Variants in PLCE1 observed in about 807,000 individuals in gnomAD.
PLCE1 encodes the protein phospholipase C epsilon 1.
In PLCE1, 119 loss-of-function variants were observed where a neutral mutation model predicts 242.8. The ratio of observed to expected loss-of-function variants is 0.49; its 90% CI spans 0.42 to 0.57. PLCE1 has a LOEUF of 0.57. Among genes scored for constraint, PLCE1 ranks in the 20% least tolerant of loss-of-function variants. PLCE1 has a pLI of 0.00. For synonymous variants in PLCE1, 945 were observed against 1,017.4 expected, an observed-to-expected ratio of 0.93 and a Z score of 1.35; for missense variants, 2,441 against 2,788.8, an observed-to-expected ratio of 0.88 and a Z score of 2.81.
intron 9 of PLCE1, among the ~76,000 whole-genome samples, 157 bp from the exon 10 acceptor site, chr10:94,254,033 A>G (rs2050975744): frequency 6.6e-6 from 1 of 152,196 alleles, no homozygotes; most frequent in African/African-American, 2.4e-5. Context: ...ATATGACATG[A>G]GAATACTCGG....
intron 27 of PLCE1, 87 bp from the exon 28 acceptor site, chr10:94,313,167 C>G: frequency 2.0e-6 from 3 of 1,502,164 alleles, no homozygotes; most frequent in Non-Finnish European, 2.8e-6. Context: ...CCTATCCGTA[C>G]TTCTAAGTAC....
In PLCE1 at chr10:94,254,935, G is replaced by A. The variant is rs1304457385; in HGVS notation, c.3440G>A (p.Arg1147Lys). 1.2e-6 allele frequency: 2 copies of A among 1,614,000 alleles called. No individual in the cohort carries two copies. Among genetic ancestry groups the A allele is most frequent in the South Asian group, 1.1e-5 (1 of 91,074 alleles). Reference sequence around the variant, plus strand: ...AACCCTCCAAACCCCCTCCCTTCCAGAAGAGCCCACTCTTTGACCACAGCT... The same window carrying A: ...AACCCTCCAAACCCCCTCCCTTCCAAAAGAGCCCACTCTTTGACCACAGCT... ...IANPPNPLPSRRAHSLTTAGS... is the reference protein window; with the variant it reads ...IANPPNPLPSKRAHSLTTAGS... Residue 1147 changes from arginine to lysine, a missense_variant, in exon 11 of 33, where the codon AGA (arginine) becomes AAA (lysine). Transcript: ENST00000371380.
At chr10:94,266,509 C>T (rs2051522338) in intron 16 of PLCE1, among the ~76,000 whole-genome samples, 1 of 152,180 alleles carries the variant, frequency 6.6e-6, no homozygotes, top group African/African-American at 2.4e-5. Context: ...CTTTGAAACT[C>T]AGTAGGTTCT....
intron 2 of PLCE1, among the ~76,000 whole-genome samples, chr10:94,066,972 G>T (rs2044213291): frequency 6.6e-6 from 1 of 152,108 alleles, no homozygotes. Context: ...TATTTCCAGG[G>T]GGAATTGAGG....
intron 1 of PLCE1, among the ~76,000 whole-genome samples, chr10:93,997,781 T>C (rs2060856506): frequency 6.6e-6 from 1 of 152,164 alleles, no homozygotes; most frequent in African/African-American, 2.4e-5. Flanking sequence ...GTAATAGACG[T>C]GCTTAGCAAT....
At chr10:94,061,211 T>A (rs1472278433) in intron 2 of PLCE1, among the ~76,000 whole-genome samples, 2 of 152,164 alleles carry the variant, frequency 1.3e-5, no homozygotes, top group East Asian at 3.9e-4. Flanking sequence ...AACTTCCTTC[T>A]CACTTAGACA....
intron 4 of PLCE1, among the ~76,000 whole-genome samples, chr10:94,175,338 A>C (rs553979003): frequency 6.6e-6 from 1 of 151,890 alleles, no homozygotes; most frequent in Non-Finnish European, 1.5e-5. Context: ...ATTTTTATCC[A>C]GTTTCCCATT....
chr10:94,067,303 TTTGG>T (rs2044226227), intron 2 of PLCE1, among the ~76,000 whole-genome samples: 1 of 152,098 alleles, frequency 6.6e-6, no homozygotes, highest in African/African-American at 2.4e-5. Context: ...AATCAGAGTT[TTTGG>T]AGGTGGGCCC....
At chr10:94,226,572 A>T (rs556744165) in intron 4 of PLCE1, among the ~76,000 whole-genome samples, 41 of 152,256 alleles carry the variant, frequency 2.7e-4, no homozygotes, top group Non-Finnish European at 4.9e-4. Context: ...TTTGTAAAAG[A>T]TTGTTTAAAA....
rs1312653010 is a variant in PLCE1 at position 94,132,322 on chromosome 10, A to C, written c.1355A>C (p.Glu452Ala). 6.2e-7 allele frequency: 1 copy of C among 1,613,998 alleles called. No homozygotes were observed. The highest frequency in any genetic ancestry group is 8.5e-7 in the Non-Finnish European group (1 of 1,179,992). ...LKQCVRDTVC[E>A]YRATLQRTSI... ...CAATGTGTCCGAGACACTGTATGTG[A>C]GTATCGCGCCACCCTCCAAAGGACT... The change falls in exon 3 of 33, where the codon GAG becomes GCG. Residue 452 changes from glutamate to alanine, a missense_variant. Physicochemically the swap from Glu to Ala is moderately radical, Grantham distance 107. Transcript: ENST00000371380.
At chr10:94,233,047 A>G (rs1013859791) in intron 5 of PLCE1, among the ~76,000 whole-genome samples, 1 of 152,190 alleles carries the variant, frequency 6.6e-6, no homozygotes, top group African/African-American at 2.4e-5. Flanking sequence ...TTCCCAAGCT[A>G]TCTGCTCAGA....
intron 11 of PLCE1, among the ~76,000 whole-genome samples, chr10:94,256,562 A>G (rs1042477352): frequency 1.6e-4 from 25 of 152,264 alleles, no homozygotes; most frequent in African/African-American, 5.8e-4. Flanking sequence ...TCATAACAAA[A>G]CTAAAAGTTA....
rs1225770008 is a variant in PLCE1 at position 94,298,101 on chromosome 10, T to G, written c.5168-278T>G. Among the ~76,000 whole-genome samples, 1 of 152,096 alleles carries G rather than the reference T, an allele frequency of 6.6e-6. No homozygotes were observed. Among genetic ancestry groups the G allele is most frequent in the African/African-American group, 2.4e-5 (1 of 41,424 alleles). Reference sequence around the variant, plus strand: ...GCTCTCACCATGTTGCCCAGGCTGGTCTTGAACTTCTGGGCTCAAGCAATC... The same window carrying G: ...GCTCTCACCATGTTGCCCAGGCTGGGCTTGAACTTCTGGGCTCAAGCAATC... On this transcript the variant is annotated intron_variant, in intron 23 of 32. Coordinates refer to ENST00000371380, the MANE Select transcript of PLCE1 (RefSeq NM_016341.4). The surrounding 1 kb of genome is among the most constrained non-coding windows in gnomAD (Gnocchi z 5.2).
intron 4 of PLCE1, among the ~76,000 whole-genome samples, chr10:94,202,896 C>CA (rs2049028588): frequency 1.3e-5 from 2 of 152,138 alleles, no homozygotes; most frequent in Non-Finnish European, 2.9e-5. Flanking sequence ...TGTGTCCTCT[C>CA]GGGTTTTTCT....
chr10:94,119,687 A>C (rs2046245279), intron 2 of PLCE1, among the ~76,000 whole-genome samples: 1 of 152,094 alleles, frequency 6.6e-6, no homozygotes, highest in Non-Finnish European at 1.5e-5. Context: ...TATCTGAAAC[A>C]CTGTATGCCC....
chr10:94,089,405 C>G (rs1378145816), intron 2 of PLCE1: 2 of 1,534,416 alleles, frequency 1.3e-6, no homozygotes, highest in East Asian at 2.3e-5. Flanking sequence ...TAAGAAATCC[C>G]CCAGTGTTCT....
intron 29 of PLCE1, among the ~76,000 whole-genome samples, chr10:94,318,217 AAGACAG>A (rs2053643463): frequency 6.6e-6 from 1 of 152,224 alleles, no homozygotes; most frequent in African/African-American, 2.4e-5. Context: ...ACTAATTGCT[AAGACAG>A]AGACCAGGCA....
At chr10:94,296,742 T>C (rs1466476651) in intron 23 of PLCE1, among the ~76,000 whole-genome samples, 3 of 152,210 alleles carry the variant, frequency 2.0e-5, no homozygotes, top group African/African-American at 7.2e-5. Context: ...CACTTTTAAT[T>C]TCCTTCAAGA....
At chr10:94,278,111 T>C (rs765781216) in intron 19 of PLCE1, among the ~76,000 whole-genome samples, 1 of 152,210 alleles carries the variant, frequency 6.6e-6, no homozygotes, top group Non-Finnish European at 1.5e-5. Flanking sequence ...AATTGTATCT[T>C]CCTTATGTAT....
Sources: gnomAD v4.1 joint callset for allele counts (sites outside exome capture counted in the v4.1 genomes callset) on GRCh38, gnomAD v4.1.1 for gene constraint, Gnocchi (gnomAD v3.1) non-coding constraint, MANE v1.5 for transcripts, NCBI Gene and HGNC (gene_info 2026-07-23, HGNC 2026-07-21) for gene names.